The following ZNF280D variants were observed in gnomAD, a reference collection of about 807,000 sequenced individuals.
ZNF280D encodes zinc finger protein 280D, also known as suppressor of hairy wing homolog 4.
A neutral mutation model predicts 94.7 loss-of-function variants in ZNF280D; 39 were observed. The observed-to-expected ratio is 0.41, with a 90% CI of 0.32 to 0.54. The LOEUF (loss-of-function observed/expected upper bound fraction) is 0.54, where lower values mean the gene tolerates loss of function less well. ZNF280D is among the 20% of genes least tolerant of loss of function. The probability of loss-of-function intolerance (pLI) is 0.22; values close to 1 mark genes in which losing one functional copy is unlikely to be tolerated. For missense variants in ZNF280D, 1,090 were observed against 1,149.3 expected, an observed-to-expected ratio of 0.95 and a Z score of 0.75; for synonymous variants, 398 against 377.6, an observed-to-expected ratio of 1.05 and a Z score of -0.63.
Position 56,658,473 on chromosome 15 carries a change from G to T in ZNF280D, c.2008C>A (p.Arg670Ser). 6.3e-7 allele frequency: 1 copy of T among 1,575,264 alleles called. No individual in the cohort carries two copies. The highest frequency in any genetic ancestry group is 8.6e-7 in the Non-Finnish European group (1 of 1,165,780). The change falls in exon 17 of 22, where the codon CGT (arginine) becomes AGT (serine). Residue 670 changes from arginine to serine, a missense_variant. Coordinates refer to ENST00000267807, the MANE Select transcript of ZNF280D (RefSeq NM_017661.4). ...VNHMMSFHSN[R>S]PSKRFCIFKK... ...AAAATACAAAACCTTTTGCTTGGAC[G>T]GTTACTATGAAAGCTGGAGAAACAA...
intron 19 of ZNF280D, chr15:56,652,742 T>C (rs1178309126): frequency 6.1e-6 from 6 of 985,054 alleles, no homozygotes; most frequent in African/African-American, 5.2e-5. Flanking sequence ...GCAAGTAGTA[T>C]TGCCAATTCT....
intron 1 of ZNF280D, among the ~76,000 whole-genome samples, chr15:56,719,416 G>C (rs1372137939): frequency 6.6e-6 from 1 of 151,266 alleles, no homozygotes; most frequent in Non-Finnish European, 1.5e-5. Context: ...CTTATAAATC[G>C]CTACCCACAC....
At chr15:56,669,893 T>TAAA (rs1566959811) in intron 13 of ZNF280D, among the ~76,000 whole-genome samples, 1 of 9,780 alleles carries the variant, frequency 1.0e-4, no homozygotes, top group Non-Finnish European at 1.7e-4. Flanking sequence ...ATATATTATA[T>TAAA]ATATATATAA....
rs2055273004 is a variant in ZNF280D, at chr15:56,676,937, C to T, written c.1264-121G>A. ...ATGTACTACTAATCTAGCTCTGATG[C>T]CTTTGCAACCAAGAATCTCACTAAG... On this transcript the variant is annotated intron_variant, in intron 12 of 21. Coordinates refer to ENST00000267807, the MANE Select transcript of ZNF280D (RefSeq NM_017661.4). 7 of 687,262 alleles carry T rather than the reference C, an allele frequency of 1.0e-5. No homozygotes were observed. The Admixed American group carries it at 1.5e-4, about 14-fold the overall frequency. The allele number at this position is 687,262 out of a possible 1,614,324, so 42.6% of individuals were successfully genotyped here.
At chr15:56,692,423 G>T (rs1160038231) in intron 7 of ZNF280D, among the ~76,000 whole-genome samples, 1 of 151,988 alleles carries the variant, frequency 6.6e-6, no homozygotes, top group Non-Finnish European at 1.5e-5. Flanking sequence ...AAATTGCTAA[G>T]ATACAAAGAG....
rs148534880 is a variant in ZNF280D, at chr15:56,636,011, T to C, written c.2260-761A>G. On this transcript the variant is annotated intron_variant, in intron 20 of 21. Transcript: ENST00000267807. ...AATAAGTAGTAAAGATTCAAATCTA[T>C]ATCTACCTCTTAACCACTATGGTAG... Among the ~76,000 whole-genome samples, 311 of 152,312 alleles carry C rather than the reference T, an allele frequency of 2.0e-3. 7 individuals carry two copies. In the East Asian group the frequency reaches 0.057, roughly 28 times the overall value.
chr15:56,678,599 G>A, intron 11 of ZNF280D, 65 bp downstream of exon 11: 15 of 1,340,162 alleles, frequency 1.1e-5, no homozygotes, highest in Non-Finnish European at 1.5e-5. Flanking sequence ...GCTTCTTAAG[G>A]TTTTCTCACA....
chr15:56,691,457 T>C (rs2056417990), intron 7 of ZNF280D, among the ~76,000 whole-genome samples: 1 of 152,192 alleles, frequency 6.6e-6, no homozygotes, highest in African/African-American at 2.4e-5. Flanking sequence ...GGCTGGACAG[T>C]AGAAACAGAC....
chr15:56,698,145 G>A (rs887502984), intron 6 of ZNF280D: 3 of 152,156 alleles, frequency 2.0e-5, no homozygotes, highest in Non-Finnish European at 2.9e-5. Flanking sequence ...CCGTATCCCA[G>A]AACACCCGTT....
At chr15:56,704,418 G>C (rs1596577287) in intron 3 of ZNF280D, 151 bp from the exon 4 acceptor site, 1 of 737,920 alleles carries the variant, frequency 1.4e-6, no homozygotes, top group Non-Finnish European at 2.2e-6. Flanking sequence ...GGTAACAACA[G>C]TGAGAAATAC....
chr15:56,637,026 G>A (rs72744943), intron 20 of ZNF280D, among the ~76,000 whole-genome samples: 11,074 of 152,122 alleles, frequency 0.073, 448 homozygotes, highest in South Asian at 0.11. Flanking sequence ...AAAAGTCCAC[G>A]TACTTAACAA....
chr15:56,654,800 G>A (rs756306968), intron 17 of ZNF280D: 1 of 484,534 alleles, frequency 2.1e-6, no homozygotes, highest in Non-Finnish European at 4.1e-6. Flanking sequence ...CAACCAACTT[G>A]TGTAACTTAG....
intron 17 of ZNF280D, among the ~76,000 whole-genome samples, chr15:56,657,684 A>G (rs567652504): frequency 2.0e-5 from 3 of 152,314 alleles, no homozygotes; most frequent in African/African-American, 7.2e-5. Context: ...ACCACTTTAT[A>G]CCCATTAGGG....
In ZNF280D at chr15:56,641,727, T is replaced by C. The variant is rs150018336; in HGVS notation, c.2259+1225A>G. The stretch of plus-strand genomic sequence containing the variant: ...TTTTAGGGGCAAACAGTGGCTTGTA[T>C]ACCCCTGTATAAACCGGAAACATTT... On this transcript the variant is annotated intron_variant, in intron 20 of 21. Coordinates refer to ENST00000267807, the MANE Select transcript of ZNF280D (RefSeq NM_017661.4). 5.2e-3 allele frequency among the ~76,000 whole-genome samples: 790 copies of C among 151,954 alleles called. 12 individuals are homozygous for C. Among genetic ancestry groups the C allele is most frequent in the African/African-American group, 0.018 (760 of 41,528 alleles).
intron 1 of ZNF280D, chr15:56,730,025 T>C (rs2058810622): frequency 6.6e-6 from 1 of 152,232 alleles, no homozygotes; most frequent in Admixed American, 6.5e-5. Context: ...TTTTACATTA[T>C]GCTTTATTTT....
intron 1 of ZNF280D, among the ~76,000 whole-genome samples, chr15:56,721,731 G>C (rs534307814): frequency 6.6e-6 from 1 of 152,312 alleles, no homozygotes; most frequent in South Asian, 2.1e-4. Flanking sequence ...TTTGGCTTAA[G>C]GGAATGTTGT....
chr15:56,643,417 T>A (rs2052724882), intron 19 of ZNF280D, among the ~76,000 whole-genome samples: 1 of 151,780 alleles, frequency 6.6e-6, no homozygotes, highest in East Asian at 1.9e-4. Context: ...TGAAAAAAGA[T>A]AAATATTTTA....
rs377565864 is a variant in ZNF280D, at chr15:56,706,780, A to G, written c.28+302T>C. 9.8e-5 allele frequency among the ~76,000 whole-genome samples: 15 copies of G among 152,298 alleles called. 1 individual carries two copies. The South Asian group carries it at 3.1e-3, about 32-fold the overall frequency. On this transcript the variant is annotated intron_variant, in intron 3 of 21. Coordinates refer to ENST00000267807, the MANE Select transcript of ZNF280D (RefSeq NM_017661.4). The stretch of plus-strand genomic sequence containing the variant: ...CATATTTTTGAGAAAAAAAAAATTT[A>G]AGACATAATAGCTTTATAATTTTTT...
At chr15:56,682,105 C>A (rs928631088) in intron 10 of ZNF280D, 149 bp downstream of exon 10, 2 of 547,868 alleles carry the variant, frequency 3.7e-6, no homozygotes, top group South Asian at 2.8e-5. Context: ...AAGGACAGAG[C>A]TTTTCAACAA....
Sources: allele counts gnomAD v4.1 joint callset (sites outside exome capture counted in the v4.1 genomes callset), GRCh38; gene constraint gnomAD v4.1.1; transcripts MANE v1.5; gene names NCBI Gene and HGNC (gene_info 2026-07-23, HGNC 2026-07-21).